The following RAB7A variants were observed in gnomAD, a reference collection of about 807,000 sequenced individuals.
The protein encoded by RAB7A is ras-related protein Rab-7a.
Under a neutral mutation model 24.5 loss-of-function variants are expected in RAB7A, and 2 were observed. The ratio of observed to expected loss-of-function variants is 0.08; its 90% confidence interval spans 0.03 to 0.26. The LOEUF (loss-of-function observed/expected upper bound fraction) is 0.26. RAB7A is among the 10% of genes least tolerant of loss of function. The probability of loss-of-function intolerance (pLI) is 1.00; values close to 1 mark genes in which losing one functional copy is unlikely to be tolerated. For synonymous variants in RAB7A, 100 were observed against 95.9 expected (o/e 1.04, Z -0.25); for missense variants, 118 against 255.7 (o/e 0.46, Z 3.67).
chr3:128,758,921 G>T (rs1447352668), intron 1 of RAB7A, among the ~76,000 whole-genome samples: 1 of 152,132 alleles, frequency 6.6e-6, no homozygotes, highest in Non-Finnish European at 1.5e-5. Flanking sequence ...CAAAATCCCT[G>T]GCTCAGAGTT....
intron 1 of RAB7A, among the ~76,000 whole-genome samples, chr3:128,765,528 A>T (rs1403434192): frequency 6.6e-6 from 1 of 152,186 alleles, no homozygotes; most frequent in Non-Finnish European, 1.5e-5. Flanking sequence ...ATTTATAAAC[A>T]ACAGAAGTTT....
At chr3:128,737,756 C>T (rs1488514565) in intron 1 of RAB7A, among the ~76,000 whole-genome samples, 1 of 149,362 alleles carries the variant, frequency 6.7e-6, no homozygotes. Context: ...TTAGGTGATC[C>T]TCTCATCTCA....
At chr3:128,770,461 A>G (rs1266640058) in intron 1 of RAB7A, among the ~76,000 whole-genome samples, 2 of 152,172 alleles carry the variant, frequency 1.3e-5, no homozygotes. Flanking sequence ...TGCCTAACCC[A>G]AGATCTGACA....
chr3:128,748,837 T>C (rs931018865), intron 1 of RAB7A: 2 of 152,214 alleles, frequency 1.3e-5, no homozygotes, highest in African/African-American at 4.8e-5. Flanking sequence ...TCCCGTAACA[T>C]ATCTCGTCTT....
chr3:128,765,286 T>C (rs2070819690), intron 1 of RAB7A, among the ~76,000 whole-genome samples: 1 of 152,090 alleles, frequency 6.6e-6, no homozygotes, highest in Admixed American at 6.6e-5. Context: ...TTTCTACCTC[T>C]CCTCTGCTAG....
At chr3:128,730,441 A>G (rs1373335946) in intron 1 of RAB7A, among the ~76,000 whole-genome samples, 1 of 151,986 alleles carries the variant, frequency 6.6e-6, no homozygotes, top group Admixed American at 6.6e-5. Context: ...TGTTAGCCAG[A>G]TTGGTCTTGA....
chr3:128,765,720 T>C (rs2070824362), intron 1 of RAB7A, among the ~76,000 whole-genome samples: 1 of 151,150 alleles, frequency 6.6e-6, no homozygotes, highest in Admixed American at 6.6e-5. Flanking sequence ...TCCCTGCCCT[T>C]CCTGACTTAA....
At chr3:128,805,495 G>GT (rs1438477880) in intron 3 of RAB7A, among the ~76,000 whole-genome samples, 1 of 152,164 alleles carries the variant, frequency 6.6e-6, no homozygotes, top group Non-Finnish European at 1.5e-5. Context: ...GACCAGCTTA[G>GT]AGCTGGGCGG....
intron 1 of RAB7A, among the ~76,000 whole-genome samples, chr3:128,777,376 G>C (rs1933120892): frequency 2.0e-5 from 3 of 151,892 alleles, no homozygotes; most frequent in African/African-American, 7.3e-5. Context: ...TCTTTCTTTT[G>C]TTTTCTGTAG....
intron 1 of RAB7A, among the ~76,000 whole-genome samples, chr3:128,783,833 A>G (rs145345558): frequency 1.3e-5 from 2 of 152,246 alleles, no homozygotes; most frequent in Non-Finnish European, 1.5e-5. Flanking sequence ...TGTTTTGACC[A>G]GTTATTTTTA....
chr3:128,809,934 G>GTTT (rs1231077081), intron 5 of RAB7A, among the ~76,000 whole-genome samples: 9 of 47,532 alleles, frequency 1.9e-4, no homozygotes, highest in Non-Finnish European at 2.9e-4. Flanking sequence ...TCTTGCCACA[G>GTTT]TCTTTTTTTT....
chr3:128,791,208 C>G (rs1209411957), intron 1 of RAB7A, among the ~76,000 whole-genome samples: 1 of 151,896 alleles, frequency 6.6e-6, no homozygotes, highest in African/African-American at 2.4e-5. Flanking sequence ...GTGGTGTGAT[C>G]TCAGCTCACT....
chr3:128,765,245 C>G (rs1368139074), intron 1 of RAB7A, among the ~76,000 whole-genome samples: 1 of 152,124 alleles, frequency 6.6e-6, no homozygotes, highest in Non-Finnish European at 1.5e-5. Context: ...CTCACTGTGC[C>G]AAAATCAGTG....
intron 1 of RAB7A, among the ~76,000 whole-genome samples, chr3:128,750,574 T>C (rs1372492235): frequency 1.3e-5 from 2 of 152,174 alleles, no homozygotes; most frequent in African/African-American, 2.4e-5. Flanking sequence ...CCAAAGAAAT[T>C]TCTAAGCAGC....
At chr3:128,781,399 A>G (rs1374572038) in intron 1 of RAB7A, among the ~76,000 whole-genome samples, 1 of 152,176 alleles carries the variant, frequency 6.6e-6, no homozygotes, top group Non-Finnish European at 1.5e-5. Context: ...CACTTGGGGT[A>G]GCTTATCCCT....
intron 1 of RAB7A, among the ~76,000 whole-genome samples, chr3:128,772,413 CG>C (rs1175624273): frequency 6.6e-6 from 1 of 151,908 alleles, no homozygotes; most frequent in East Asian, 1.9e-4. Flanking sequence ...ACTATTGTCT[CG>C]TTTTTTTTTC....
intron 3 of RAB7A, among the ~76,000 whole-genome samples, chr3:128,800,186 A>G (rs140447982): frequency 1.3e-5 from 2 of 152,350 alleles, no homozygotes; most frequent in East Asian, 1.9e-4. Context: ...GAGCAACTAT[A>G]GAAAAAAAAG....
At chr3:128,745,454 C>T (rs1425546009) in intron 1 of RAB7A, among the ~76,000 whole-genome samples, 2 of 152,138 alleles carry the variant, frequency 1.3e-5, no homozygotes, top group African/African-American at 4.8e-5. Flanking sequence ...GCCTCTGCCT[C>T]CCTGGTTCAA....
intron 1 of RAB7A, among the ~76,000 whole-genome samples, chr3:128,765,609 C>A (rs1238944672): frequency 6.6e-6 from 1 of 152,186 alleles, no homozygotes; most frequent in Non-Finnish European, 1.5e-5. Flanking sequence ...TAGTGAGGGT[C>A]ACACTTCTGG....
Sources: allele counts gnomAD v4.1 joint callset (sites outside exome capture counted in the v4.1 genomes callset), GRCh38; gene constraint gnomAD v4.1.1; transcripts MANE v1.5; gene names NCBI Gene and HGNC (gene_info 2026-07-23, HGNC 2026-07-21).